SAMD7: variants seen among roughly 807,000 people sequenced by gnomAD.
The protein encoded by SAMD7 is sterile alpha motif domain-containing protein 7.
Under a neutral mutation model 36.7 loss-of-function variants are expected in SAMD7, and 34 were observed. The observed-to-expected ratio is 0.93, with a 90% CI of 0.71 to 1.23. The LOEUF is 1.23. SAMD7 is among the 50% of genes most tolerant of loss of function. The pLI, the probability that SAMD7 is intolerant of heterozygous loss-of-function variation, is 0.00. For synonymous variants in SAMD7, 188 were observed against 189.7 expected (o/e 0.99, Z 0.07); for missense variants, 570 against 546.6 (o/e 1.04, Z -0.43).
At chr3:169,932,156 T>A (rs947110542) in intron 7 of SAMD7, 2 of 592,314 alleles carry the variant, frequency 3.4e-6, no homozygotes, top group African/African-American at 3.8e-5. Flanking sequence ...GGCTTGTGGA[T>A]GGAGCTGTCA....
chr3:169,935,844 A>G (rs1713696295), intron 7 of SAMD7, among the ~76,000 whole-genome samples: 1 of 152,144 alleles, frequency 6.6e-6, no homozygotes, highest in Admixed American at 6.6e-5. Flanking sequence ...CCGGTAGGGA[A>G]AGTTCTCAGC....
intron 7 of SAMD7, among the ~76,000 whole-genome samples, chr3:169,934,350 G>T (rs1713633328): frequency 6.6e-6 from 1 of 152,070 alleles, no homozygotes; most frequent in Non-Finnish European, 1.5e-5. Flanking sequence ...CCTAGAGGAG[G>T]CAGGGCAAGA....
chr3:169,918,793 G>T (rs73040292), intron 2 of SAMD7, among the ~76,000 whole-genome samples: 1 of 152,140 alleles, frequency 6.6e-6, no homozygotes, highest in African/African-American at 2.4e-5. Flanking sequence ...AAGATTGAAC[G>T]TATGGGAGAA....
chr3:169,924,374 G>A lies in SAMD7; in HGVS notation c.212-684G>A, dbSNP rs1416507084. ...GAGGCCGAGGCAGGCAGATCACAAG[G>A]TCAGGAGATCGAGACCAGCCTGGCC... On this transcript the variant is annotated intron_variant, in intron 4 of 8. Transcript: ENST00000335556. Among the ~76,000 whole-genome samples, 12 of 152,062 alleles carry A rather than the reference G, an allele frequency of 7.9e-5. No homozygotes were observed. In the East Asian group the frequency reaches 1.9e-3, roughly 24 times the overall value.
At chr3:169,912,303 A>G (rs1399963932) in intron 1 of SAMD7, among the ~76,000 whole-genome samples, 1 of 152,206 alleles carries the variant, frequency 6.6e-6, no homozygotes, top group African/African-American at 2.4e-5. Flanking sequence ...AAATTTCAGA[A>G]AAACATTGAG....
chr3:169,928,753 C>A (rs1015622316), intron 7 of SAMD7, among the ~76,000 whole-genome samples, 175 bp downstream of exon 7: 1 of 152,196 alleles, frequency 6.6e-6, no homozygotes, highest in Non-Finnish European at 1.5e-5. Context: ...TTGGGTCATA[C>A]ACCCACACCC....
At chr3:169,919,274 G>A (rs547452946) in intron 2 of SAMD7, among the ~76,000 whole-genome samples, 184 bp from the exon 3 acceptor site, 1 of 152,198 alleles carries the variant, frequency 6.6e-6, no homozygotes, top group East Asian at 1.9e-4. Flanking sequence ...AATTCCAAGG[G>A]CATACTGATA....
intron 1 of SAMD7, among the ~76,000 whole-genome samples, chr3:169,912,962 A>G (rs549960206): frequency 6.6e-6 from 1 of 152,296 alleles, no homozygotes; most frequent in South Asian, 2.1e-4. Flanking sequence ...TGGACTACAA[A>G]GGCCTCTGCA....
At chr3:169,933,190 T>G (rs1197164180) in intron 7 of SAMD7, 1 of 708,728 alleles carries the variant, frequency 1.4e-6, no homozygotes, top group African/African-American at 1.8e-5. Context: ...CAGTTTGGGA[T>G]GGACACTGTA....
In SAMD7 at chr3:169,928,442, C is replaced by T. The variant is rs546981863; in HGVS notation, c.920-15C>T. On this transcript the variant is annotated splice_polypyrimidine_tract_variant and intron_variant, in intron 6 of 8. Coordinates refer to ENST00000335556, the MANE Select transcript of SAMD7 (RefSeq NM_001304366.2). ...CTGTATGTATTTTATGCCACAATTT[C>T]TTTCCATTTTAAAGGAACACATGCA... The T allele has an allele frequency of 2.0e-5, 32 of 1,605,858 alleles. No homozygotes were observed. In the East Asian group the frequency reaches 3.1e-4, roughly 16 times the overall value.
intron 2 of SAMD7, among the ~76,000 whole-genome samples, chr3:169,917,142 T>C (rs1317117675): frequency 6.6e-6 from 1 of 152,232 alleles, no homozygotes; most frequent in Non-Finnish European, 1.5e-5. Flanking sequence ...TGTTAGGTGA[T>C]CCATGGACTT....
chr3:169,917,883 C>T (rs7617825), intron 2 of SAMD7, among the ~76,000 whole-genome samples: 120,745 of 151,826 alleles, frequency 0.8, 48,505 homozygotes, highest in Middle Eastern at 0.88. Context: ...CCTCATGATC[C>T]GCCCGCCTCG....
At chr3:169,927,974 A>G (rs1713341929) in intron 6 of SAMD7, among the ~76,000 whole-genome samples, 2 of 152,334 alleles carry the variant, frequency 1.3e-5, no homozygotes, top group South Asian at 4.1e-4. Flanking sequence ...ACGCACACTG[A>G]ATAGTTTTCT....
At chr3:169,919,321 T>C in intron 2 of SAMD7, 137 bp from the exon 3 acceptor site, 1 of 607,866 alleles carries the variant, frequency 1.6e-6, no homozygotes, top group Non-Finnish European at 2.9e-6. Flanking sequence ...GGGGTTTTTG[T>C]GTAACTAAAA....
chr3:169,918,268 C>T lies in SAMD7; in HGVS notation c.-41-1190C>T, dbSNP rs966554171. ...ATTAGTTATTTTTAAATGTACAATA[C>T]ATTATTGTTGACTGCAGTCATCTTG... is the stretch of plus-strand genomic sequence containing the variant. On this transcript the variant is annotated intron_variant, in intron 2 of 8. Transcript: ENST00000335556. 2.6e-5 allele frequency among the ~76,000 whole-genome samples: 4 copies of T among 152,088 alleles called. 1 individual carries two copies. The South Asian group carries it at 6.2e-4, about 24-fold the overall frequency.
At chr3:169,932,497 G>C in intron 7 of SAMD7, 1 of 579,856 alleles carries the variant, frequency 1.7e-6, no homozygotes, top group South Asian at 1.5e-5. Context: ...GAGCCCTGCT[G>C]ATGGTGGGCA....
chr3:169,921,287 G>C lies in SAMD7; in HGVS notation c.160G>C (p.Val54Leu). ...CGTTCCTTCCCAATTTGGATCCTCT[G>C]TTCTACCAAACACAAATATGGCAAA... ...FCVPSQFGSS[V>L]LPNTNMANVL... is the part of the protein sequence containing the mutation. Residue 54 changes from valine (V) to leucine (L), a missense_variant, in exon 4 of 9, where the codon GTT becomes CTT. Coordinates refer to ENST00000335556, the MANE Select transcript of SAMD7 (RefSeq NM_001304366.2). 1.2e-6 allele frequency: 2 copies of C among 1,614,116 alleles called. No individual in the cohort carries two copies. The highest frequency in any genetic ancestry group is 1.7e-6 in the Non-Finnish European group (2 of 1,179,974).
intron 1 of SAMD7, among the ~76,000 whole-genome samples, chr3:169,914,408 G>C (rs1712718245): frequency 6.6e-6 from 1 of 152,198 alleles, no homozygotes; most frequent in Non-Finnish European, 1.5e-5. Flanking sequence ...TAGTTCATAA[G>C]TGCAAGGATT....
At chr3:169,937,872 C>T (rs1268041597) in intron 8 of SAMD7, among the ~76,000 whole-genome samples, 3 of 152,184 alleles carry the variant, frequency 2.0e-5, no homozygotes, top group Non-Finnish European at 2.9e-5. Context: ...TGCCCTTGCC[C>T]ACCCAGAGTT....
Sources: gnomAD v4.1 joint callset for allele counts (sites outside exome capture counted in the v4.1 genomes callset) on GRCh38, gnomAD v4.1.1 for gene constraint, MANE v1.5 for transcripts, NCBI Gene and HGNC (gene_info 2026-07-23, HGNC 2026-07-21) for gene names.